ZC3H13: variants seen among roughly 807,000 people sequenced by gnomAD.
ZC3H13 encodes the protein zinc finger CCCH-type containing 13, also known as zinc finger CCCH domain-containing protein 13.
A neutral mutation model predicts 204.1 loss-of-function variants in ZC3H13; 64 were observed. The observed-to-expected ratio is 0.31, with a 90% CI of 0.26 to 0.39. The LOEUF (loss-of-function observed/expected upper bound fraction) is 0.39, where lower values mean the gene tolerates loss of function less well. ZC3H13 is among the 10% of genes least tolerant of loss of function. The probability of loss-of-function intolerance (pLI) is 1.00; values close to 1 mark genes in which losing one functional copy is unlikely to be tolerated. For missense variants in ZC3H13, 1,833 were observed against 2,082.7 expected, an observed-to-expected ratio of 0.88 and a Z score of 2.33; for synonymous variants, 667 against 693.7, an observed-to-expected ratio of 0.96 and a Z score of 0.60.
At position 45,969,434 on chromosome 13, in the gene ZC3H13, G is replaced by C. The variant is rs1449205466; in HGVS notation, c.3110C>G (p.Thr1037Arg). Residue 1037 changes from threonine (T) to arginine (R), a missense_variant, in exon 14 of 19, where the codon ACA becomes AGA. By Grantham distance (71) the Thr-to-Arg change is moderately conservative. Transcript: ENST00000679008. ...KKRGPRTPPITTKEELVEMCN... is the reference protein window; with the variant it reads ...KKRGPRTPPIRTKEELVEMCN... ...CATTTCAACCAATTCCTCTTTAGTT[G>C]TTATAGGGGGAGTCCGTGGGCCTCT... 2 of 1,614,010 alleles carry C rather than the reference G, an allele frequency of 1.2e-6. No individual in the cohort carries two copies. The highest frequency in any genetic ancestry group is 2.7e-5 in the African/African-American group (2 of 74,996).
At chr13:45,981,199 C>T (rs1593521842) in intron 10 of ZC3H13, among the ~76,000 whole-genome samples, 7 of 152,316 alleles carry the variant, frequency 4.6e-5, no homozygotes, top group African/African-American at 1.7e-4. Flanking sequence ...GGGCCCTGCC[C>T]TCAACCTCAT....
At chr13:46,010,990 C>T (rs1038792093) in intron 6 of ZC3H13, among the ~76,000 whole-genome samples, 1 of 152,036 alleles carries the variant, frequency 6.6e-6, no homozygotes, top group African/African-American at 2.4e-5. Flanking sequence ...TATAACTGTC[C>T]TAACATATAC....
chr13:46,042,929 T>C (rs1230540605), intron 3 of ZC3H13, among the ~76,000 whole-genome samples: 1 of 152,032 alleles, frequency 6.6e-6, no homozygotes, highest in East Asian at 1.9e-4. Flanking sequence ...GATTTTCATA[T>C]TCTGCTGTAA....
Position 46,047,609 on chromosome 13 carries a change from T to C in ZC3H13, c.-9-2093A>G, listed in dbSNP as rs573582736. Reference sequence around the variant, plus strand: ...TTTGATTTACTGAGCACGAAAAAACTGAAAGCTAAGAGAAGTGGAGCTGAG... The same window carrying C: ...TTTGATTTACTGAGCACGAAAAAACCGAAAGCTAAGAGAAGTGGAGCTGAG... On this transcript the variant is annotated intron_variant, in intron 1 of 18. Coordinates refer to ENST00000679008, the MANE Select transcript of ZC3H13 (RefSeq NM_001330564.2). Among the ~76,000 whole-genome samples, 386 of 61,674 alleles carry C rather than the reference T, an allele frequency of 6.3e-3. 3 individuals carry two copies. Among genetic ancestry groups the C allele is most frequent in the Admixed American group, 9.3e-3 (60 of 6,440 alleles). The allele number at this position is 61,674 out of a possible 152,430, so 40.5% of individuals were successfully genotyped here. A position where few individuals can be genotyped will look rare whatever the true frequency, so the allele number is the denominator to read the frequency against.
chr13:46,004,273 T>C (rs983414809), intron 7 of ZC3H13, among the ~76,000 whole-genome samples: 2 of 139,624 alleles, frequency 1.4e-5, no homozygotes, highest in Admixed American at 1.5e-4. Context: ...AGGTTGGGCA[T>C]GGTGTAATCC....
At chr13:45,964,128 GA>G in intron 16 of ZC3H13, 86 bp from the exon 17 acceptor site, 1 of 1,296,554 alleles carries the variant, frequency 7.7e-7, no homozygotes, top group Non-Finnish European at 1.1e-6. Context: ...AAATCAAGGA[GA>G]AAACAGAAAA....
intron 17 of ZC3H13, among the ~76,000 whole-genome samples, chr13:45,960,780 A>G (rs1226802584): frequency 6.6e-6 from 1 of 152,242 alleles, no homozygotes; most frequent in Non-Finnish European, 1.5e-5. Context: ...TTACTTTTAC[A>G]ACCCACAAAG....
At chr13:46,028,730 A>C (rs1305768008) in intron 4 of ZC3H13, among the ~76,000 whole-genome samples, 2 of 152,208 alleles carry the variant, frequency 1.3e-5, no homozygotes, top group Non-Finnish European at 2.9e-5. Flanking sequence ...AAATTGCAAA[A>C]AAATTTTTAA....
At chr13:46,016,888 A>T (rs754847536) in intron 5 of ZC3H13, among the ~76,000 whole-genome samples, 5 of 152,140 alleles carry the variant, frequency 3.3e-5, no homozygotes, top group African/African-American at 4.8e-5. Flanking sequence ...CTAGAATATT[A>T]GTAGTATATC....
intron 5 of ZC3H13, among the ~76,000 whole-genome samples, chr13:46,016,669 T>C (rs2041924736): frequency 6.6e-6 from 1 of 152,136 alleles, no homozygotes. Flanking sequence ...TACAAATGTG[T>C]TCAGTCTGTG....
chr13:46,002,262 AAACT>A (rs1258454984), intron 8 of ZC3H13, among the ~76,000 whole-genome samples: 11 of 152,184 alleles, frequency 7.2e-5, no homozygotes, highest in South Asian at 2.1e-4. Context: ...TAAAACAAAC[AAACT>A]AAGTGTTGGT....
chr13:46,039,740 T>C (rs1394721470), intron 4 of ZC3H13, among the ~76,000 whole-genome samples: 2 of 152,226 alleles, frequency 1.3e-5, no homozygotes, highest in Admixed American at 6.5e-5. Context: ...GAACTCATAG[T>C]AAATTTTACT....
chr13:45,983,831 C>A (rs1376124113), intron 10 of ZC3H13, among the ~76,000 whole-genome samples: 1 of 152,128 alleles, frequency 6.6e-6, no homozygotes, highest in Non-Finnish European at 1.5e-5. Context: ...TTCCTAGGAA[C>A]ATCTGTTAAG....
intron 8 of ZC3H13, among the ~76,000 whole-genome samples, chr13:45,995,529 T>C (rs192932721): frequency 6.6e-6 from 1 of 152,328 alleles, no homozygotes; most frequent in Admixed American, 6.5e-5. Context: ...TGTTTGGCTA[T>C]ATTACAAACC....
At chr13:46,030,850 A>C (rs917903226) in intron 4 of ZC3H13, among the ~76,000 whole-genome samples, 1 of 152,230 alleles carries the variant, frequency 6.6e-6, no homozygotes, top group Non-Finnish European at 1.5e-5. Context: ...AGAAGACTAC[A>C]TATCTGTCAA....
chr13:46,026,765 T>C (rs1400450685), intron 4 of ZC3H13, among the ~76,000 whole-genome samples: 1 of 152,024 alleles, frequency 6.6e-6, no homozygotes, highest in Non-Finnish European at 1.5e-5. Context: ...ACTGTCATAG[T>C]TTGACATATG....
chr13:45,979,385 G>A (rs561076343), intron 11 of ZC3H13, among the ~76,000 whole-genome samples: 1 of 151,304 alleles, frequency 6.6e-6, no homozygotes, highest in African/African-American at 2.4e-5. Flanking sequence ...CTATCATTCA[G>A]TTTTTTTTTA....
At chr13:46,026,526 A>T (rs1430477048) in intron 4 of ZC3H13, among the ~76,000 whole-genome samples, 1 of 151,958 alleles carries the variant, frequency 6.6e-6, no homozygotes, top group Non-Finnish European at 1.5e-5. Context: ...TTTTTAAAGC[A>T]TGGGTGGAAA....
At chr13:46,021,369 TA>T (rs889119495) in intron 4 of ZC3H13, among the ~76,000 whole-genome samples, 7 of 151,848 alleles carry the variant, frequency 4.6e-5, no homozygotes, top group African/African-American at 1.7e-4. Flanking sequence ...GGTAAGAAAA[TA>T]AAAGTAACCA....
Sources: gnomAD v4.1 joint callset for allele counts (sites outside exome capture counted in the v4.1 genomes callset) on GRCh38, gnomAD v4.1.1 for gene constraint, MANE v1.5 for transcripts, NCBI Gene and HGNC (gene_info 2026-07-23, HGNC 2026-07-21) for gene names.